RAB11FIP5: variants seen among roughly 807,000 people sequenced by gnomAD.
The protein encoded by RAB11FIP5 is rab11 family-interacting protein 5.
In RAB11FIP5, 48 loss-of-function variants were observed where a neutral mutation model predicts 85.1. The ratio of observed to expected loss-of-function variants is 0.56; its 90% CI spans 0.45 to 0.72. The LOEUF is 0.72. RAB11FIP5 is among the 30% of genes least tolerant of loss of function. The pLI is 0.00. For missense variants in RAB11FIP5, 1,491 were observed against 1,687.0 expected, an observed-to-expected ratio of 0.88 and a Z score of 2.04; for synonymous variants, 729 against 727.3, an observed-to-expected ratio of 1.00 and a Z score of -0.04.
chr2:73,082,928 T>C (rs530994388), intron 3 of RAB11FIP5, among the ~76,000 whole-genome samples: 16 of 152,290 alleles, frequency 1.1e-4, no homozygotes, highest in African/African-American at 3.8e-4. Context: ...GAGGCAGACC[T>C]CGGTGGCCTC....
chr2:73,103,488 G>C (rs1052907590), intron 1 of RAB11FIP5, among the ~76,000 whole-genome samples: 2 of 152,198 alleles, frequency 1.3e-5, no homozygotes, highest in Non-Finnish European at 2.9e-5. Flanking sequence ...CAACAGAAAA[G>C]ATGTAGGGTT....
At chr2:73,097,226 G>A (rs1481422458) in intron 1 of RAB11FIP5, among the ~76,000 whole-genome samples, 11 of 152,056 alleles carry the variant, frequency 7.2e-5, no homozygotes, top group Admixed American at 3.9e-4. Flanking sequence ...TAGTAGAGAC[G>A]GGGTTTTTCC....
chr2:73,093,581 G>A (rs532763425), intron 1 of RAB11FIP5, among the ~76,000 whole-genome samples: 10 of 152,332 alleles, frequency 6.6e-5, no homozygotes, highest in African/African-American at 2.2e-4. Context: ...AGCAGGGCAT[G>A]GTGGTGAGTG....
rs1223118994 is a variant in RAB11FIP5, at chr2:73,112,391, C to T, written c.387G>A (p.Val129=). 1 of 1,601,358 alleles carries T rather than the reference C, an allele frequency of 6.2e-7. No individual in the cohort carries two copies. The highest frequency in any genetic ancestry group is 1.1e-5 in the South Asian group (1 of 90,756). ...GVDKFLGQAT[V]ALDEVFGAGR... is the part of the protein sequence containing the mutation. ...CTGCGCCGAAGACCTCGTCCAGCGC[C>T]ACCGTGGCCTGGCCCAGGAACTTGT... is the stretch of plus-strand genomic sequence containing the variant. The change falls in exon 1 of 6, where the codon GTG becomes GTA. Residue 129 remains valine, a synonymous_variant. Transcript: ENST00000486777.
Position 73,088,625 on chromosome 2 carries a change from GGCA to G in RAB11FIP5, c.990_992del (p.Ala331del). 6.2e-7 allele frequency: 1 copy of G among 1,613,392 alleles called. No individual in the cohort carries two copies. On this transcript the variant is annotated inframe_deletion, in exon 3 of 6. Coordinates refer to ENST00000486777, the MANE Select transcript of RAB11FIP5 (RefSeq NM_001371272.1). ...CATTGACACAGAGCGAAGAGCGGGAGGCAGCATCCAGGTGGCCCTGAAGGTCCA... is the reference window on the plus strand; with the variant it reads ...CATTGACACAGAGCGAAGAGCGGGAGGCATCCAGGTGGCCCTGAAGGTCCA...
rs757839265 is a variant in RAB11FIP5, at chr2:73,088,939, G to A, written c.808C>T (p.Pro270Ser). 12 of 1,608,840 alleles carry A rather than the reference G, an allele frequency of 7.5e-6. No individual in the cohort carries two copies. Among genetic ancestry groups the A allele is most frequent in the East Asian group, 2.2e-5 (1 of 44,824 alleles). Reference sequence around the variant, plus strand: ...GAGCGGGTGAGGAGTTCGGCGCCAGGTCCCTGGTAGGCCAAGCTCCCGCTG... The same window carrying A: ...GAGCGGGTGAGGAGTTCGGCGCCAGATCCCTGGTAGGCCAAGCTCCCGCTG... ...SASGSLAYQGPGAELLTRSPS... is the reference protein window; with the variant it reads ...SASGSLAYQGSGAELLTRSPS... The change falls in exon 2 of 6, where the codon CCT becomes TCT. Residue 270 changes from proline (P) to serine (S), a missense_variant. Around this residue, in one of 3 missense-constraint regions of RAB11FIP5, gnomAD observed 1,211 missense variants for 1,338.0 expected, o/e 0.91. Coordinates refer to ENST00000486777, the MANE Select transcript of RAB11FIP5 (RefSeq NM_001371272.1).
Position 73,088,608 on chromosome 2 carries a change from C to CAGAGCGA in RAB11FIP5, c.1003_1009dup (p.Cys337PhefsTer12). 1 of 1,613,562 alleles carries CAGAGCGA rather than the reference C, an allele frequency of 6.2e-7. No homozygotes were observed. The highest frequency in any genetic ancestry group is 8.5e-7 in the Non-Finnish European group (1 of 1,180,044). On this transcript the variant is annotated frameshift_variant, in exon 3 of 6. Transcript: ENST00000486777. LOFTEE classifies it high-confidence loss of function. ...ATTGTAAATGTGGCTCCCATTGACA[C>CAGAGCGA]AGAGCGAAGAGCGGGAGGCAGCATC...
At chr2:73,108,321 C>T (rs1325857373) in intron 1 of RAB11FIP5, among the ~76,000 whole-genome samples, 1 of 152,182 alleles carries the variant, frequency 6.6e-6, no homozygotes, top group Non-Finnish European at 1.5e-5. Flanking sequence ...ATCCAACAGG[C>T]CCAGGATGAC....
intron 4 of RAB11FIP5, among the ~76,000 whole-genome samples, chr2:73,079,035 G>T (rs144282122): frequency 6.6e-6 from 1 of 152,336 alleles, no homozygotes; most frequent in Admixed American, 6.5e-5. Context: ...ACTGCTGCGC[G>T]TGGGGAACCT....
Position 73,093,431 on chromosome 2 carries a change from C to A in RAB11FIP5, c.432-4116G>T, listed in dbSNP as rs192336671. On this transcript the variant is annotated intron_variant, in intron 1 of 5. Transcript: ENST00000486777. ...TCCTGGGCACCCAAGGTCTCCCTTG[C>A]TGGACTGTGTTTCTTGTGGATATTG... Among the ~76,000 whole-genome samples the A allele has an allele frequency of 1.9e-3, 287 of 152,326 alleles. 3 individuals are homozygous for A. Among genetic ancestry groups the A allele is most frequent in the Middle Eastern group, 6.8e-3 (2 of 294 alleles).
chr2:73,112,689 C>G lies in RAB11FIP5; in HGVS notation c.89G>C (p.Gly30Ala). 1 of 1,581,996 alleles carries G rather than the reference C, an allele frequency of 6.3e-7. No homozygotes were observed. Among genetic ancestry groups the G allele is most frequent in the African/African-American group, 1.4e-5 (1 of 72,622 alleles). ...HVQVTVLRAR[G>A]LRGKSSGAGS... ...CGCTCCCGAGCTCTTGCCCCGCAGCCCGCGGGCCCGCAGCACCGTCACCTG... is the reference window on the plus strand; with the variant it reads ...CGCTCCCGAGCTCTTGCCCCGCAGCGCGCGGGCCCGCAGCACCGTCACCTG... The change falls in exon 1 of 6, where the codon GGG becomes GCG. Residue 30 changes from glycine to alanine, a missense_variant. Transcript: ENST00000486777.
intron 1 of RAB11FIP5, among the ~76,000 whole-genome samples, chr2:73,091,939 C>T (rs953599601): frequency 1.3e-5 from 2 of 151,888 alleles, no homozygotes; most frequent in African/African-American, 4.9e-5. Flanking sequence ...CGAGCGGGTG[C>T]CTCTCTCATA....
rs1409177539 is a variant in RAB11FIP5, at chr2:73,075,087, G to A, written c.*434C>T. On this transcript the variant is annotated 3_prime_UTR_variant, in exon 6 of 6. Coordinates refer to ENST00000486777, the MANE Select transcript of RAB11FIP5 (RefSeq NM_001371272.1). This position sits in a 1 kb window ranked among gnomAD's most constrained non-coding sequence, Gnocchi z 4.6. ...CCAGTAATACTAGAAGCCCCTCCAGGGACTGGAGGGAAATGAAGGGGATGG... is the reference window on the plus strand; with the variant it reads ...CCAGTAATACTAGAAGCCCCTCCAGAGACTGGAGGGAAATGAAGGGGATGG... The A allele has an allele frequency of 5.3e-6, 2 of 376,090 alleles. No individual in the cohort carries two copies. Among genetic ancestry groups the A allele is most frequent in the Non-Finnish European group, 1.0e-5 (2 of 191,468 alleles). 23.3% of individuals were successfully genotyped at this position (376,090 alleles called of 1,614,324 possible).
chr2:73,104,398 T>A (rs952569409), intron 1 of RAB11FIP5, among the ~76,000 whole-genome samples: 1 of 151,840 alleles, frequency 6.6e-6, no homozygotes, highest in African/African-American at 2.4e-5. Context: ...GCCAACATGG[T>A]CTCTACTAAA....
intron 1 of RAB11FIP5, among the ~76,000 whole-genome samples, chr2:73,091,188 A>G (rs1684201574): frequency 6.6e-6 from 1 of 152,214 alleles, no homozygotes; most frequent in Non-Finnish European, 1.5e-5. Context: ...AGCGCAATGA[A>G]CTAAGACAGA....
chr2:73,108,958 C>T (rs1381424914), intron 1 of RAB11FIP5, among the ~76,000 whole-genome samples: 5 of 152,104 alleles, frequency 3.3e-5, no homozygotes, highest in Admixed American at 6.5e-5. Context: ...GCAGGAGAAT[C>T]GCTTGAACCT....
At chr2:73,105,846 C>T (rs1021894377) in intron 1 of RAB11FIP5, among the ~76,000 whole-genome samples, 1 of 151,986 alleles carries the variant, frequency 6.6e-6, no homozygotes, top group African/African-American at 2.4e-5. Flanking sequence ...GGTGTGGTGG[C>T]CAAGAGCATA....
chr2:73,106,837 G>C (rs539873456), intron 1 of RAB11FIP5, among the ~76,000 whole-genome samples: 1 of 152,128 alleles, frequency 6.6e-6, no homozygotes, highest in Non-Finnish European at 1.5e-5. Flanking sequence ...AGTCCCATGA[G>C]TAAGGGCTGT....
chr2:73,099,051 CTTT>C (rs1036385402), intron 1 of RAB11FIP5, among the ~76,000 whole-genome samples: 1 of 105,842 alleles, frequency 9.4e-6, no homozygotes, highest in Admixed American at 1.1e-4. Flanking sequence ...TTTCTTTTTT[CTTT>C]TTTTTTTTTT....
Sources: gnomAD v4.1 joint callset for allele counts (sites outside exome capture counted in the v4.1 genomes callset) on GRCh38, gnomAD v4.1.1 for gene constraint, gnomAD v4.1.1 regional missense constraint, Gnocchi (gnomAD v3.1) non-coding constraint, MANE v1.5 for transcripts, NCBI Gene and HGNC (gene_info 2026-07-23, HGNC 2026-07-21) for gene names.